The following PHACTR1 variants were observed in gnomAD, a reference collection of about 807,000 sequenced individuals.
PHACTR1 encodes phosphatase and actin regulator 1.
Under a neutral mutation model 69.2 loss-of-function variants are expected in PHACTR1, and 16 were observed. The observed-to-expected ratio is 0.23, with a 90% confidence interval of 0.16 to 0.35. PHACTR1 has a LOEUF of 0.35. Among genes scored for constraint, PHACTR1 ranks in the 10% least tolerant of loss-of-function variants. The pLI is 1.00. For synonymous variants in PHACTR1, 312 were observed against 284.5 expected, an observed-to-expected ratio of 1.10 and a Z score of -0.97; for missense variants, 510 against 734.7, an observed-to-expected ratio of 0.69 and a Z score of 3.54.
At chr6:12,871,131 C>T (rs1313925621) in intron 4 of PHACTR1, among the ~76,000 whole-genome samples, 1 of 151,702 alleles carries the variant, frequency 6.6e-6, no homozygotes, top group African/African-American at 2.4e-5. Flanking sequence ...AAGTTGAAAA[C>T]TGATGAAGAA....
At chr6:13,056,202 G>T (rs1806757844) in intron 5 of PHACTR1, among the ~76,000 whole-genome samples, 2 of 152,156 alleles carry the variant, frequency 1.3e-5, no homozygotes, top group African/African-American at 4.8e-5. Context: ...GAGCCCAGGA[G>T]TTAAAAACCA....
intron 8 of PHACTR1, among the ~76,000 whole-genome samples, chr6:13,221,213 G>A (rs541981518): frequency 6.6e-6 from 1 of 152,254 alleles, no homozygotes; most frequent in South Asian, 2.1e-4. Flanking sequence ...TTGGGCAATG[G>A]CAAGTGGTCT....
chr6:13,100,228 A>T (rs970338073), intron 5 of PHACTR1, among the ~76,000 whole-genome samples: 2 of 152,236 alleles, frequency 1.3e-5, no homozygotes, highest in Admixed American at 6.5e-5. Context: ...CCCAAGAAAC[A>T]GGTAAACTTG....
chr6:12,996,235 G>C (rs1291353383), intron 4 of PHACTR1, among the ~76,000 whole-genome samples: 1 of 151,972 alleles, frequency 6.6e-6, no homozygotes, highest in Non-Finnish European at 1.5e-5. Flanking sequence ...GAAATTCATG[G>C]AAAGAAAATC....
At chr6:12,839,689 T>C (rs1350211088) in intron 4 of PHACTR1, among the ~76,000 whole-genome samples, 1 of 152,206 alleles carries the variant, frequency 6.6e-6, no homozygotes, top group Non-Finnish European at 1.5e-5. Context: ...CAGATCAAGA[T>C]GTACACACAA....
intron 7 of PHACTR1, among the ~76,000 whole-genome samples, chr6:13,204,439 C>A (rs1252203842): frequency 1.3e-5 from 2 of 152,056 alleles, no homozygotes; most frequent in East Asian, 3.9e-4. Context: ...CTGTTCCAGA[C>A]CATGCTTCTC....
intron 4 of PHACTR1, among the ~76,000 whole-genome samples, chr6:12,936,892 C>T (rs1377198673): frequency 1.3e-5 from 2 of 152,206 alleles, no homozygotes; most frequent in Non-Finnish European, 2.9e-5. Context: ...ACTTTTTGCC[C>T]TAGACTTAAC....
intron 5 of PHACTR1, among the ~76,000 whole-genome samples, chr6:13,138,346 A>T (rs556058903): frequency 6.6e-6 from 1 of 152,228 alleles, no homozygotes; most frequent in African/African-American, 2.4e-5. Context: ...CAGAGAAAGG[A>T]TTTACAATTG....
chr6:12,926,983 T>G (rs895660558), intron 4 of PHACTR1, among the ~76,000 whole-genome samples: 4 of 152,352 alleles, frequency 2.6e-5, no homozygotes, highest in Middle Eastern at 6.8e-3. Flanking sequence ...TTAAATCTAG[T>G]CAATTGCTTA....
intron 5 of PHACTR1, among the ~76,000 whole-genome samples, chr6:13,120,783 T>C (rs1273541767): frequency 6.6e-6 from 1 of 152,226 alleles, no homozygotes; most frequent in Non-Finnish European, 1.5e-5. Context: ...CTGCAAGGAC[T>C]CCATGCAGTC....
chr6:13,283,812 G>A lies in PHACTR1; in HGVS notation c.1650+250G>A. On this transcript the variant is annotated intron_variant, in intron 13 of 14. Transcript: ENST00000332995. This position sits in a 1 kb window ranked among gnomAD's most constrained non-coding sequence, Gnocchi z 4.7. ...CAGGAGGAGGAGCAGCAGCCTGGGAGGCTGTGCCCAGAGAAAGAGAATAGC... is the reference window on the plus strand; with the variant it reads ...CAGGAGGAGGAGCAGCAGCCTGGGAAGCTGTGCCCAGAGAAAGAGAATAGC... 1.9e-6 allele frequency: 1 copy of A among 524,706 alleles called. No individual in the cohort carries two copies. The highest frequency in any genetic ancestry group is 3.4e-6 in the Non-Finnish European group (1 of 293,524). 32.5% of individuals were successfully genotyped at this position (524,706 alleles called of 1,614,324 possible).
intron 5 of PHACTR1, among the ~76,000 whole-genome samples, chr6:13,127,091 C>T (rs1023011708): frequency 4.6e-5 from 7 of 152,052 alleles, no homozygotes; most frequent in African/African-American, 1.7e-4. Flanking sequence ...CAAGGTAAAG[C>T]GGTTTGGGCT....
intron 4 of PHACTR1, among the ~76,000 whole-genome samples, chr6:12,986,503 T>C (rs536319041): frequency 4.6e-5 from 7 of 152,350 alleles, no homozygotes; most frequent in African/African-American, 1.7e-4. Flanking sequence ...TGAGAAGCCA[T>C]ACTAATGCTC....
intron 5 of PHACTR1, among the ~76,000 whole-genome samples, chr6:13,094,125 C>T (rs1467783939): frequency 6.6e-6 from 1 of 152,084 alleles, no homozygotes; most frequent in Non-Finnish European, 1.5e-5. Context: ...AAGCAGTCCT[C>T]CCGCCTCAGC....
intron 4 of PHACTR1, among the ~76,000 whole-genome samples, chr6:13,014,407 G>T (rs1799870327): frequency 6.6e-6 from 1 of 152,200 alleles, no homozygotes. Flanking sequence ...GCAAGTCTGG[G>T]ATTTTCATTT....
chr6:12,909,537 C>T (rs185971295), intron 4 of PHACTR1, among the ~76,000 whole-genome samples: 1 of 152,198 alleles, frequency 6.6e-6, no homozygotes, highest in African/African-American at 2.4e-5. Flanking sequence ...GGCATGGCAT[C>T]GAGCCGGATG....
chr6:13,130,283 A>G (rs1325173662), intron 5 of PHACTR1, among the ~76,000 whole-genome samples: 1 of 152,108 alleles, frequency 6.6e-6, no homozygotes, highest in Non-Finnish European at 1.5e-5. Flanking sequence ...AGAAAAACAA[A>G]AACAAAAACA....
chr6:12,999,368 G>T (rs538113736), intron 4 of PHACTR1, among the ~76,000 whole-genome samples: 1 of 152,220 alleles, frequency 6.6e-6, no homozygotes, highest in Admixed American at 6.5e-5. Context: ...GGGAGGCCAG[G>T]GTGGGTGGAT....
At chr6:12,827,687 A>G (rs1339541888) in intron 4 of PHACTR1, among the ~76,000 whole-genome samples, 1 of 152,228 alleles carries the variant, frequency 6.6e-6, no homozygotes, top group Non-Finnish European at 1.5e-5. Context: ...CTTGGAGCTG[A>G]CAAAATCTAG....
Sources: allele counts gnomAD v4.1 joint callset (sites outside exome capture counted in the v4.1 genomes callset), GRCh38; gene constraint gnomAD v4.1.1; non-coding constraint Gnocchi (gnomAD v3.1); transcripts MANE v1.5; gene names NCBI Gene and HGNC (gene_info 2026-07-23, HGNC 2026-07-21).